CFAP69: variants seen among roughly 807,000 people sequenced by gnomAD.
The protein encoded by CFAP69 is cilia and flagella associated protein 69, also known as cilia- and flagella-associated protein 69.
CFAP69 carries 92 observed loss-of-function variants against 123.0 expected under a neutral mutation model. The ratio of observed to expected loss-of-function variants is 0.75; its 90% CI spans 0.63 to 0.89. The LOEUF (loss-of-function observed/expected upper bound fraction) is 0.89. CFAP69 is among the 40% of genes least tolerant of loss of function. The pLI is 0.00. For missense variants in CFAP69, 1,067 were observed against 1,096.9 expected (o/e 0.97, Z 0.39); for synonymous variants, 380 against 364.3 (o/e 1.04, Z -0.49).
downstream of CFAP69, chr7:90,312,898 G>A (rs538091617): frequency 6.6e-6 from 1 of 152,340 alleles, no homozygotes; most frequent in East Asian, 1.9e-4. Context: ...AGTGAGCACA[G>A]ATAAAAGTAG....
At chr7:90,306,826 T>C (rs939826307) in intron 19 of CFAP69, 75 bp from the exon 20 acceptor site, 5 of 888,156 alleles carry the variant, frequency 5.6e-6, no homozygotes, top group South Asian at 1.5e-5. Context: ...ACTAACCATA[T>C]AAAAAATTGT....
intron 15 of CFAP69, among the ~76,000 whole-genome samples, chr7:90,296,388 C>T (rs1420757246): frequency 1.3e-5 from 2 of 151,892 alleles, no homozygotes; most frequent in South Asian, 2.1e-4. Context: ...GGTGCAGTGG[C>T]GTGATCTCAG....
At chr7:90,281,036 A>C (rs1789410722) in intron 12 of CFAP69, among the ~76,000 whole-genome samples, 1 of 152,228 alleles carries the variant, frequency 6.6e-6, no homozygotes, top group African/African-American at 2.4e-5. Flanking sequence ...CTGGCTAATA[A>C]GAGAAAGACT....
At chr7:90,246,358 C>T (rs1226109387) in intron 1 of CFAP69, among the ~76,000 whole-genome samples, 1 of 152,152 alleles carries the variant, frequency 6.6e-6, no homozygotes. Flanking sequence ...GGAACCCTGT[C>T]CTGCCTCACA....
chr7:90,275,775 C>T (rs746603171), intron 9 of CFAP69, among the ~76,000 whole-genome samples: 2 of 151,182 alleles, frequency 1.3e-5, no homozygotes, highest in Non-Finnish European at 3.0e-5. Context: ...CTAATTTTTT[C>T]GTATTTTTAG....
intron 11 of CFAP69, 29 bp downstream of exon 11, chr7:90,277,363 A>G: frequency 2.1e-6 from 3 of 1,440,092 alleles, no homozygotes; most frequent in Non-Finnish European, 2.8e-6. Flanking sequence ...AGGAAAATCA[A>G]TAAAAATTGT....
At position 90,277,256 on chromosome 7, in the gene CFAP69, T is replaced by G. The variant is rs1332622538; in HGVS notation, c.1077T>G (p.Asn359Lys). The G allele has an allele frequency of 6.3e-7, 1 of 1,590,244 alleles. No individual in the cohort carries two copies. The highest frequency in any genetic ancestry group is 8.5e-7 in the Non-Finnish European group (1 of 1,171,430). ...NLLVKGLKLS[N>K]SYEDFELKKL... ...TGGTAAAAGGACTTAAGCTTTCTAA[T>G]TCCTATGAAGATTTTGAGTTGAAGA... is the stretch of plus-strand genomic sequence containing the variant. Residue 359 changes from asparagine to lysine, a missense_variant, in exon 11 of 23, where the codon AAT becomes AAG. Coordinates refer to ENST00000389297, the MANE Select transcript of CFAP69 (RefSeq NM_001039706.3).
intron 20 of CFAP69, 28 bp from the exon 21 acceptor site, chr7:90,307,740 T>C: frequency 2.7e-6 from 4 of 1,483,494 alleles, no homozygotes; most frequent in Admixed American, 4.3e-5. Flanking sequence ...AAAAAGAAAC[T>C]GAAACTTAAT....
chr7:90,280,773 G>T (rs1256324401), intron 12 of CFAP69, among the ~76,000 whole-genome samples: 7 of 152,314 alleles, frequency 4.6e-5, no homozygotes, highest in Admixed American at 1.3e-4. Flanking sequence ...TTATAAGGAA[G>T]ATATTGCCTC....
intron 15 of CFAP69, among the ~76,000 whole-genome samples, chr7:90,294,429 C>T (rs187783682): frequency 4.1e-4 from 63 of 152,106 alleles, no homozygotes; most frequent in Non-Finnish European, 5.9e-5. Context: ...TATTAATAAA[C>T]TAATTAGAGC....
chr7:90,265,824 G>A (rs1304123188), intron 5 of CFAP69, among the ~76,000 whole-genome samples: 9 of 152,044 alleles, frequency 5.9e-5, no homozygotes, highest in Admixed American at 5.9e-4. Context: ...TCAGCATAAT[G>A]CACATAAAGA....
chr7:90,250,235 A>AGAGAGAGAGAGAGAAT (rs1267005649), intron 1 of CFAP69, among the ~76,000 whole-genome samples: 1 of 134,268 alleles, frequency 7.4e-6, no homozygotes, highest in Non-Finnish European at 1.6e-5. Context: ...AGAGAGAGAG[A>AGAGAGAGAGAGAGAAT]CTCCTTGGTT....
intron 4 of CFAP69, 96 bp downstream of exon 4, chr7:90,262,152 A>T (rs1798422316): frequency 1.4e-6 from 1 of 732,964 alleles, no homozygotes; most frequent in African/African-American, 1.9e-5. Flanking sequence ...AGTGTAGCAG[A>T]TTGCTACAGA....
downstream of CFAP69, among the ~76,000 whole-genome samples, chr7:90,315,128 A>G (rs1278293344): frequency 6.6e-6 from 1 of 152,156 alleles, no homozygotes; most frequent in Non-Finnish European, 1.5e-5. Context: ...GGTTGCAGAG[A>G]AAAGAGAATG....
At chr7:90,255,896 A>C (rs1037607268) in intron 2 of CFAP69, among the ~76,000 whole-genome samples, 2 of 152,220 alleles carry the variant, frequency 1.3e-5, no homozygotes, top group African/African-American at 4.8e-5. Context: ...TTATTTTGAG[A>C]ACAATCATAT....
At chr7:90,258,680 A>G (rs765574731) in intron 3 of CFAP69, among the ~76,000 whole-genome samples, 19 of 152,242 alleles carry the variant, frequency 1.2e-4, no homozygotes, top group Non-Finnish European at 2.4e-4. Flanking sequence ...GGACATAGAT[A>G]TCTTGGGGAA....
At chr7:90,282,614 ATG>A (rs752789988) in intron 12 of CFAP69, among the ~76,000 whole-genome samples, 18 of 152,340 alleles carry the variant, frequency 1.2e-4, no homozygotes, top group Admixed American at 1.3e-4. Flanking sequence ...ACTTGTGACA[ATG>A]TGAATAATTT....
chr7:90,251,433 G>GCAGTCATTGGC (rs1426383327), intron 1 of CFAP69, among the ~76,000 whole-genome samples: 1 of 152,168 alleles, frequency 6.6e-6, no homozygotes, highest in African/African-American at 2.4e-5. Flanking sequence ...GGGAAAGCTG[G>GCAGTCATTGGC]CAGTCATTGG....
In CFAP69 at chr7:90,245,278, C is replaced by T. The variant is rs1796191378; in HGVS notation, c.-147C>T. The T allele has an allele frequency of 1.7e-6, 2 of 1,147,742 alleles. No homozygotes were observed. Among genetic ancestry groups the T allele is most frequent in the South Asian group, 3.9e-5 (2 of 51,128 alleles). The allele number at this position is 1,147,742 out of a possible 1,614,324, so 71.1% of individuals were successfully genotyped here. ...GGACTGTATGGCGGTGGCCTAGGCC[C>T]CTGGCGGAATTTTGGGACCTTTCGC... On this transcript the variant is annotated 5_prime_UTR_variant, in exon 1 of 23. Coordinates refer to ENST00000389297, the MANE Select transcript of CFAP69 (RefSeq NM_001039706.3).
Sources: gnomAD v4.1 joint callset for allele counts (sites outside exome capture counted in the v4.1 genomes callset) on GRCh38, gnomAD v4.1.1 for gene constraint, MANE v1.5 for transcripts, NCBI Gene and HGNC (gene_info 2026-07-23, HGNC 2026-07-21) for gene names.